SHROOM2: variants seen among roughly 807,000 people sequenced by gnomAD.
The protein encoded by SHROOM2 is protein Shroom2.
In SHROOM2, 33 loss-of-function variants were observed where a neutral mutation model predicts 75.9. The ratio of observed to expected loss-of-function variants is 0.43; its 90% CI spans 0.33 to 0.58. SHROOM2 has a LOEUF of 0.58. Ranked by LOEUF, SHROOM2 falls within the 20% of genes least tolerant of loss-of-function variation. The pLI is 0.04. For synonymous variants in SHROOM2, 655 were observed against 663.6 expected (o/e 0.99, Z 0.20); for missense variants, 1,434 against 1,461.2 (o/e 0.98, Z 0.30).
At chrX:9,800,164 A>G (rs1463696585) in intron 1 of SHROOM2, among the ~76,000 whole-genome samples, 4 of 110,986 alleles carry the variant, frequency 3.6e-5, no homozygotes, top group Admixed American at 2.9e-4. Flanking sequence ...CAATCACAGT[A>G]GTCTGTAACA....
chrX:9,829,068 G>A (rs929421317), intron 1 of SHROOM2, among the ~76,000 whole-genome samples: 1 of 111,841 alleles, frequency 8.9e-6, no homozygotes, highest in Non-Finnish European at 1.9e-5. Flanking sequence ...CTGTTGCCCA[G>A]GCTGGAGTAT....
intron 1 of SHROOM2, among the ~76,000 whole-genome samples, chrX:9,791,391 G>A (rs2083646964): frequency 8.9e-6 from 1 of 111,928 alleles, no homozygotes; most frequent in Non-Finnish European, 1.9e-5. Flanking sequence ...AAATAAACCT[G>A]GATTTGTGGC....
chrX:9,891,530 C>T (rs770034283), intron 3 of SHROOM2, among the ~76,000 whole-genome samples: 1 of 112,602 alleles, frequency 8.9e-6, no homozygotes, highest in Admixed American at 9.3e-5. Flanking sequence ...CTCCTCAACC[C>T]TCTTGGAGTT....
rs190361960 is a variant in SHROOM2, at chrX:9,855,937, C to T, written c.166-17715C>T. Among the ~76,000 whole-genome samples the T allele has an allele frequency of 1.2e-3, 138 of 110,681 alleles. 1 individual carries two copies. Among genetic ancestry groups the T allele is most frequent in the Middle Eastern group, 4.7e-3 (1 of 213 alleles). Reference sequence around the variant, plus strand: ...GCACTAAAAATCTTCCTAAGTTACTCGGCTTTAGCTGAGGCTGAGTGCTGC... The same window carrying T: ...GCACTAAAAATCTTCCTAAGTTACTTGGCTTTAGCTGAGGCTGAGTGCTGC... On this transcript the variant is annotated intron_variant, in intron 1 of 9. Transcript: ENST00000380913.
intron 1 of SHROOM2, among the ~76,000 whole-genome samples, chrX:9,796,189 G>A (rs773983071): frequency 3.6e-5 from 4 of 111,161 alleles, no homozygotes; most frequent in Admixed American, 9.6e-5. Context: ...TTGGGAGGCC[G>A]AGGTGGGAGG....
intron 3 of SHROOM2, among the ~76,000 whole-genome samples, chrX:9,893,824 GGCACCTATAATCCCA>G (rs1289992171): frequency 1.8e-5 from 2 of 109,636 alleles, no homozygotes; most frequent in Non-Finnish European, 3.8e-5. Context: ...CACAGTGGCA[GGCACCTATAATCCCA>G]GCTACTCGGG....
At chrX:9,806,567 C>CTT (rs748143721) in intron 1 of SHROOM2, among the ~76,000 whole-genome samples, 22 of 83,938 alleles carry the variant, frequency 2.6e-4, no homozygotes, top group Admixed American at 8.1e-4. Flanking sequence ...AACTTTAATC[C>CTT]TTTTTTTTTT....
Position 9,932,167 on chromosome X carries a change from T to G in SHROOM2, c.2892-8T>G. On this transcript the variant is annotated splice_region_variant and splice_polypyrimidine_tract_variant and intron_variant, in intron 5 of 9. Coordinates refer to ENST00000380913, the MANE Select transcript of SHROOM2 (RefSeq NM_001649.4). The stretch of plus-strand genomic sequence containing the variant: ...TCGTTGATTAATTTGTACTTGTTCT[T>G]CCTCTAGACAAGCAGATGCCCAGTG... 2 of 1,123,409 alleles carry G rather than the reference T, an allele frequency of 1.8e-6. No individual in the cohort carries two copies. Among genetic ancestry groups the G allele is most frequent in the South Asian group, 2.3e-5 (1 of 44,301 alleles). 92.6% of individuals were successfully genotyped at this position (1,123,409 alleles called of 1,213,427 possible).
In SHROOM2 at chrX:9,788,018, G is replaced by A. The variant is rs188250139; in HGVS notation, c.165+1308G>A. ...TTTTTTTTTTTTGAGACAGGGTCTT[G>A]TTCTGTCAGCCTCCTGAGTAGCTGG... On this transcript the variant is annotated intron_variant, in intron 1 of 9. Coordinates refer to ENST00000380913, the MANE Select transcript of SHROOM2 (RefSeq NM_001649.4). Among the ~76,000 whole-genome samples, 234 of 86,259 alleles carry A rather than the reference G, an allele frequency of 2.7e-3. 1 individual carries two copies. The highest frequency in any genetic ancestry group is 0.015 in the Admixed American group (109 of 7,255). 74.9% of individuals were successfully genotyped at this position (86,259 alleles called of 115,157 possible). A position where few individuals can be genotyped will look rare whatever the true frequency, so the allele number is the denominator to read the frequency against.
intron 8 of SHROOM2, among the ~76,000 whole-genome samples, chrX:9,942,045 A>T (rs972283669): frequency 1.8e-5 from 2 of 109,838 alleles, no homozygotes; most frequent in Admixed American, 9.8e-5. Context: ...AGTTCCCTGC[A>T]TTGCTTGCAG....
chrX:9,886,265 C>A, intron 2 of SHROOM2, among the ~76,000 whole-genome samples: 1 of 112,633 alleles, frequency 8.9e-6, no homozygotes, highest in African/African-American at 3.2e-5. Flanking sequence ...GGGGAGCCCT[C>A]TTCCATGCCA....
intron 5 of SHROOM2, among the ~76,000 whole-genome samples, chrX:9,905,840 G>C (rs1015070338): frequency 3.6e-5 from 4 of 111,666 alleles, no homozygotes; most frequent in Non-Finnish European, 7.5e-5. Flanking sequence ...TAAATGATGT[G>C]CTCCCCATGG....
intron 1 of SHROOM2, among the ~76,000 whole-genome samples, chrX:9,787,963 ATTTCT>A (rs1348960936): frequency 2.1e-5 from 2 of 93,263 alleles, no homozygotes; most frequent in South Asian, 5.0e-4. Flanking sequence ...TTTTTCTTTT[ATTTCT>A]TTTCTTTTCT....
At chrX:9,871,275 G>A (rs946848773) in intron 1 of SHROOM2, among the ~76,000 whole-genome samples, 1 of 112,238 alleles carries the variant, frequency 8.9e-6, no homozygotes, top group Non-Finnish European at 1.9e-5. Flanking sequence ...ATGTGCGGGC[G>A]TCATTCCAGC....
intron 1 of SHROOM2, chrX:9,818,950 G>T: frequency 1.7e-6 from 1 of 582,986 alleles, no homozygotes; most frequent in Non-Finnish European, 3.0e-6. Context: ...ATGTGGAGGA[G>T]GGCTAATTTC....
At chrX:9,850,831 CAA>C (rs757769302) in intron 1 of SHROOM2, among the ~76,000 whole-genome samples, 10 of 76,217 alleles carry the variant, frequency 1.3e-4, no homozygotes, top group East Asian at 4.4e-4. Context: ...GACTCTGTGT[CAA>C]AAAAAAAAAA....
At chrX:9,792,119 T>A (rs1170836556) in intron 1 of SHROOM2, among the ~76,000 whole-genome samples, 4 of 20,446 alleles carry the variant, frequency 2.0e-4, no homozygotes, top group Admixed American at 9.8e-4. Context: ...TAGAATAGAA[T>A]AGAATAGAAT....
At chrX:9,888,593 G>T (rs756966217) in intron 2 of SHROOM2, among the ~76,000 whole-genome samples, 1 of 110,952 alleles carries the variant, frequency 9.0e-6, no homozygotes, top group Non-Finnish European at 1.9e-5. Context: ...ACAGATGCGC[G>T]CCACCACGCC....
In SHROOM2 at chrX:9,895,114, T is replaced by C. The variant is rs1040235363; in HGVS notation, c.1206T>C (p.Asp402=). The change falls in exon 4 of 10, where the codon GAT becomes GAC. Residue 402 remains aspartate (D), a synonymous_variant. Coordinates refer to ENST00000380913, the MANE Select transcript of SHROOM2 (RefSeq NM_001649.4). ...ACGGCAGCTGGCCGCCCTCCAAGGATGGAGCTTCCAGTAGGCTGCAGGCCT... is the reference window on the plus strand; with the variant it reads ...ACGGCAGCTGGCCGCCCTCCAAGGACGGAGCTTCCAGTAGGCTGCAGGCCT... ...HADGSWPPSK[D]GASSRLQASL... 1.7e-6 allele frequency: 2 copies of C among 1,211,547 alleles called. No individual in the cohort carries two copies. Among genetic ancestry groups the C allele is most frequent in the Non-Finnish European group, 1.1e-6 (1 of 895,423 alleles).
Sources: allele counts gnomAD v4.1 joint callset (sites outside exome capture counted in the v4.1 genomes callset), GRCh38; gene constraint gnomAD v4.1.1; transcripts MANE v1.5; gene names NCBI Gene and HGNC (gene_info 2026-07-23, HGNC 2026-07-21).